PARD3B: variants seen among roughly 807,000 people sequenced by gnomAD.
PARD3B encodes par-3 family cell polarity regulator beta, also known as partitioning defective 3 homolog B.
PARD3B carries 103 observed loss-of-function variants against 130.2 expected under a neutral mutation model. That is an observed-to-expected ratio of 0.79 (90% CI 0.67 to 0.93). The LOEUF is 0.93. Ranked by LOEUF, PARD3B falls within the 40% of genes least tolerant of loss-of-function variation. The pLI is 0.00. For synonymous variants in PARD3B, 583 were observed against 553.2 expected, an observed-to-expected ratio of 1.05 and a Z score of -0.76; for missense variants, 1,609 against 1,499.2, an observed-to-expected ratio of 1.07 and a Z score of -1.21.
intron 1 of PARD3B, among the ~76,000 whole-genome samples, chr2:204,574,363 G>A (rs1324447983): frequency 6.6e-6 from 1 of 151,922 alleles, no homozygotes; most frequent in South Asian, 2.1e-4. Context: ...AATTTTGTTT[G>A]GATACATGTA....
Position 204,965,286 on chromosome 2 carries a change from T to C in PARD3B, c.357T>C (p.Gly119=). ...AACTGGCCGCATTTAAGCCAATTGG[T>C]GGGGAGATTGAAGTAACCCCTTCTG... ...AAQLAAFKPI[G]GEIEVTPSAL... The change falls in exon 3 of 23, where the codon GGT becomes GGC. Residue 119 remains glycine (G), a synonymous_variant. Coordinates refer to ENST00000406610, the MANE Select transcript of PARD3B (RefSeq NM_001302769.2). 2 of 1,613,836 alleles carry C rather than the reference T, an allele frequency of 1.2e-6. No homozygotes were observed.
rs376007615 is a variant in PARD3B at position 204,982,693 on chromosome 2, A to G, written c.394+17370A>G. ...TATGGTGACACAAAACAAGTGTTCT[A>G]ATTAAATTTTTGAAATGAGTAAGGA... On this transcript the variant is annotated intron_variant, in intron 3 of 22. Coordinates refer to ENST00000406610, the MANE Select transcript of PARD3B (RefSeq NM_001302769.2). 9.3e-4 allele frequency among the ~76,000 whole-genome samples: 142 copies of G among 152,336 alleles called. 3 individuals are homozygous for G. The South Asian group carries it at 0.029, about 31-fold the overall frequency.
intron 11 of PARD3B, among the ~76,000 whole-genome samples, chr2:205,168,498 G>A (rs1368943): frequency 6.6e-6 from 1 of 152,052 alleles, no homozygotes; most frequent in South Asian, 2.1e-4. Flanking sequence ...AAAGCTGATT[G>A]TCTTTGTCCA....
chr2:205,279,895 C>G (rs375651196), intron 16 of PARD3B, among the ~76,000 whole-genome samples: 4 of 152,262 alleles, frequency 2.6e-5, no homozygotes, highest in Admixed American at 6.5e-5. Context: ...AGATTACTCC[C>G]AGCAGGGAGC....
chr2:205,544,123 A>C (rs1358501155), intron 21 of PARD3B, among the ~76,000 whole-genome samples: 1 of 152,196 alleles, frequency 6.6e-6, no homozygotes, highest in Admixed American at 6.5e-5. Context: ...CAGAAACTGA[A>C]TTTAGTAAGT....
rs972674138 is a variant in PARD3B, at chr2:205,325,845, T to C, written c.2630+24144T>C. On this transcript the variant is annotated intron_variant, in intron 18 of 22. Coordinates refer to ENST00000406610, the MANE Select transcript of PARD3B (RefSeq NM_001302769.2). The surrounding 1 kb of genome is among the most constrained non-coding windows in gnomAD (Gnocchi z 4.1). ...ACCTACAATTATCAGGGCAAATATA[T>C]AGAAGGAACAAAATTGAAAAACAAA... Among the ~76,000 whole-genome samples the C allele has an allele frequency of 4.6e-5, 7 of 152,124 alleles. No homozygotes were observed. Among genetic ancestry groups the C allele is most frequent in the African/African-American group, 1.7e-4 (7 of 41,412 alleles).
intron 2 of PARD3B, among the ~76,000 whole-genome samples, chr2:204,756,052 G>C (rs932371772): frequency 1.3e-5 from 2 of 151,986 alleles, no homozygotes; most frequent in African/African-American, 4.8e-5. Context: ...ATACGTCCTG[G>C]TGGTGATTAA....
In PARD3B at chr2:205,397,007, T is replaced by TTCCCCCTCATTCTC. The variant is rs2046055094; in HGVS notation, c.2631-3997_2631-3996insTTCTCTCCCCCTCA. Among the ~76,000 whole-genome samples the TTCCCCCTCATTCTC allele has an allele frequency of 6.6e-6, 1 of 151,602 alleles. No homozygotes were observed. The highest frequency in any genetic ancestry group is 1.9e-4 in the East Asian group (1 of 5,188). On this transcript the variant is annotated intron_variant, in intron 18 of 22. Coordinates refer to ENST00000406610, the MANE Select transcript of PARD3B (RefSeq NM_001302769.2). This position sits in a 1 kb window ranked among gnomAD's most constrained non-coding sequence, Gnocchi z 4.8. ...CTTGGAAAGTCACCAAGTTGAATCT[T>TTCCCCCTCATTCTC]TCCCCCTCACTCTCTCCCCCGGTCC...
intron 1 of PARD3B, among the ~76,000 whole-genome samples, chr2:204,607,177 A>G (rs1371827801): frequency 1.3e-5 from 2 of 152,218 alleles, no homozygotes. Context: ...TAAATATATG[A>G]TAATATTCAG....
chr2:205,333,381 G>A (rs1431533487), intron 18 of PARD3B, among the ~76,000 whole-genome samples: 3 of 151,960 alleles, frequency 2.0e-5, no homozygotes, highest in Non-Finnish European at 4.4e-5. Context: ...TAATATATTA[G>A]ATATATTGCC....
At chr2:205,285,991 C>A (rs1349509113) in intron 16 of PARD3B, among the ~76,000 whole-genome samples, 4 of 152,110 alleles carry the variant, frequency 2.6e-5, no homozygotes, top group Admixed American at 2.6e-4. Flanking sequence ...ATTTTTTGTA[C>A]ATACATAATT....
intron 21 of PARD3B, among the ~76,000 whole-genome samples, chr2:205,529,051 C>T (rs1233095382): frequency 6.6e-6 from 1 of 152,020 alleles, no homozygotes; most frequent in Non-Finnish European, 1.5e-5. Flanking sequence ...TAACTTCCAA[C>T]ATATTTTAAT....
At position 205,590,167 on chromosome 2, in the gene PARD3B, C is replaced by T. The variant is rs531907305; in HGVS notation, c.3261-25289C>T. Reference sequence around the variant, plus strand: ...ATTCCGATGCTTTATTTATCCAATACAGGAAAAGAAATCTATTGGTAGATG... The same window carrying T: ...ATTCCGATGCTTTATTTATCCAATATAGGAAAAGAAATCTATTGGTAGATG... On this transcript the variant is annotated intron_variant, in intron 22 of 22. Coordinates refer to ENST00000406610, the MANE Select transcript of PARD3B (RefSeq NM_001302769.2). This position sits in a 1 kb window ranked among gnomAD's most constrained non-coding sequence, Gnocchi z 4.1. Among the ~76,000 whole-genome samples, 1 of 152,252 alleles carries T rather than the reference C, an allele frequency of 6.6e-6. No individual in the cohort carries two copies.
In PARD3B at chr2:204,953,418, CACAGAGAGAGAGAGAGAG is replaced by C. The variant is rs1439714007; in HGVS notation, c.223-11732_223-11715del. Among the ~76,000 whole-genome samples, 139 of 117,520 alleles carry C rather than the reference CACAGAGAGAGAGAGAGAG, an allele frequency of 1.2e-3. 1 individual carries two copies. The highest frequency in any genetic ancestry group is 3.2e-3 in the African/African-American group (101 of 31,318). 77.1% of individuals were successfully genotyped at this position (117,520 alleles called of 152,430 possible). On this transcript the variant is annotated intron_variant, in intron 2 of 22. Coordinates refer to ENST00000406610, the MANE Select transcript of PARD3B (RefSeq NM_001302769.2). ...ACATATATATGTTAACATACACACA[CACAGAGAGAGAGAGAGAG>C]AGAGAGAGAGAGAGAGAGAGAGAGA...
rs2052612950 is a variant in PARD3B, at chr2:205,550,968, TATATATATAC to T, written c.3181-2354_3181-2345del. ...ATATATATATGTGTATATATATATA[TATATATATAC>T]ACACACACACACACACACACACACA... On this transcript the variant is annotated intron_variant, in intron 21 of 22. Coordinates refer to ENST00000406610, the MANE Select transcript of PARD3B (RefSeq NM_001302769.2). The surrounding 1 kb of genome is among the most constrained non-coding windows in gnomAD (Gnocchi z 4.5). Among the ~76,000 whole-genome samples, 6 of 106,464 alleles carry T rather than the reference TATATATATAC, an allele frequency of 5.6e-5. No homozygotes were observed. Among genetic ancestry groups the T allele is most frequent in the African/African-American group, 1.6e-4 (5 of 30,946 alleles). 69.8% of individuals were successfully genotyped at this position (106,464 alleles called of 152,430 possible). A position where few individuals can be genotyped will look rare whatever the true frequency, so the allele number is the denominator to read the frequency against.
At position 205,300,379 on chromosome 2, in the gene PARD3B, C is replaced by T. The variant is rs559413712; in HGVS notation, c.2186-151C>T. The T allele has an allele frequency of 1.6e-5, 11 of 680,618 alleles. No homozygotes were observed. Among genetic ancestry groups the T allele is most frequent in the Non-Finnish European group, 2.8e-5 (11 of 391,018 alleles). 42.2% of individuals were successfully genotyped at this position (680,618 alleles called of 1,614,324 possible). On this transcript the variant is annotated intron_variant, in intron 16 of 22. Coordinates refer to ENST00000406610, the MANE Select transcript of PARD3B (RefSeq NM_001302769.2). The surrounding 1 kb of genome is among the most constrained non-coding windows in gnomAD (Gnocchi z 4.1). ...AAGTCAAACCACTTGTTCAAGGTTA[C>T]AAAAGGTGGCAAAGCTGGAGTATAA... is the stretch of plus-strand genomic sequence containing the variant.
At chr2:204,722,756 G>A (rs545194011) in intron 2 of PARD3B, among the ~76,000 whole-genome samples, 8 of 152,124 alleles carry the variant, frequency 5.3e-5, no homozygotes, top group Non-Finnish European at 1.0e-4. Context: ...TTTACAATGC[G>A]TTAGTTCTGT....
At chr2:205,231,415 C>T (rs1458887690) in intron 15 of PARD3B, among the ~76,000 whole-genome samples, 1 of 151,820 alleles carries the variant, frequency 6.6e-6, no homozygotes, top group Non-Finnish European at 1.5e-5. Context: ...CAGCCTCGAC[C>T]TCCTGGGCTC....
intron 1 of PARD3B, among the ~76,000 whole-genome samples, chr2:204,635,777 GC>G (rs1429019810): frequency 5.3e-5 from 8 of 152,080 alleles, no homozygotes; most frequent in Non-Finnish European, 8.8e-5. Context: ...TACCTCTCAA[GC>G]TTTGTATGGA....
Sources: allele counts gnomAD v4.1 joint callset (sites outside exome capture counted in the v4.1 genomes callset), GRCh38; gene constraint gnomAD v4.1.1; non-coding constraint Gnocchi (gnomAD v3.1); transcripts MANE v1.5; gene names NCBI Gene and HGNC (gene_info 2026-07-23, HGNC 2026-07-21).